GRID1: variants seen among roughly 807,000 people sequenced by gnomAD.
The protein encoded by GRID1 is glutamate receptor ionotropic, delta-1.
Under a neutral mutation model 98.0 loss-of-function variants are expected in GRID1, and 28 were observed. That is an observed-to-expected ratio of 0.29 (90% CI 0.21 to 0.39). GRID1 has a LOEUF of 0.39. Ranked by LOEUF, GRID1 falls within the 10% of genes least tolerant of loss-of-function variation. The pLI is 1.00. For missense variants in GRID1, 1,111 were observed against 1,340.5 expected, an observed-to-expected ratio of 0.83 and a Z score of 2.67; for synonymous variants, 553 against 538.5, an observed-to-expected ratio of 1.03 and a Z score of -0.37.
At chr10:85,956,492 A>G (rs538927915) in intron 4 of GRID1, among the ~76,000 whole-genome samples, 1 of 152,336 alleles carries the variant, frequency 6.6e-6, no homozygotes, top group East Asian at 1.9e-4. Context: ...AGTTTAAAAT[A>G]GATGCTCAGG....
At chr10:86,121,564 TCACCATCAACATCAC>T in intron 4 of GRID1, among the ~76,000 whole-genome samples, 1 of 152,010 alleles carries the variant, frequency 6.6e-6, no homozygotes, top group African/African-American at 2.4e-5. Flanking sequence ...ACCATCATTA[TCACCATCAACATCAC>T]CACCATCACC....
intron 2 of GRID1, among the ~76,000 whole-genome samples, chr10:86,347,009 A>C (rs1848393559): frequency 6.6e-6 from 1 of 152,072 alleles, no homozygotes; most frequent in African/African-American, 2.4e-5. Flanking sequence ...CACAGGTGTC[A>C]TCCTGCGGGC....
At chr10:86,027,647 G>C (rs1589342248) in intron 4 of GRID1, among the ~76,000 whole-genome samples, 1 of 152,142 alleles carries the variant, frequency 6.6e-6, no homozygotes, top group Admixed American at 6.5e-5. Flanking sequence ...CCTGCTTAGG[G>C]AGTCTGCAGC....
At chr10:85,675,347 T>C (rs780276306) in intron 12 of GRID1, among the ~76,000 whole-genome samples, 3 of 152,144 alleles carry the variant, frequency 2.0e-5, no homozygotes, top group Non-Finnish European at 4.4e-5. Context: ...CCACCAGCTA[T>C]TCCAGATCCT....
At chr10:85,842,364 G>A (rs1234440330) in intron 8 of GRID1, among the ~76,000 whole-genome samples, 2 of 151,892 alleles carry the variant, frequency 1.3e-5, no homozygotes, top group African/African-American at 4.8e-5. Context: ...TATCTAATGG[G>A]TACTAGGCTT....
Position 86,141,652 on chromosome 10 carries a change from C to T in GRID1, c.521-2628G>A, listed in dbSNP as rs540896957. Among the ~76,000 whole-genome samples, 29 of 152,346 alleles carry T rather than the reference C, an allele frequency of 1.9e-4. No homozygotes were observed. The East Asian group carries it at 2.1e-3, about 11-fold the overall frequency. The stretch of plus-strand genomic sequence containing the variant: ...CTCTAGCCATATATGGCCATTAAAA[C>T]GTCAATTAATTGAAGAGAAACACAA... On this transcript the variant is annotated intron_variant, in intron 3 of 15. Transcript: ENST00000327946.
At chr10:86,004,740 T>TCACACACACTCACACA (rs1554845800) in intron 4 of GRID1, among the ~76,000 whole-genome samples, 3 of 94,268 alleles carry the variant, frequency 3.2e-5, no homozygotes, top group African/African-American at 1.0e-4. Context: ...ACACACACAC[T>TCACACACACTCACACA]CACACACACA....
intron 12 of GRID1, among the ~76,000 whole-genome samples, chr10:85,702,526 C>T (rs551000194): frequency 1.3e-4 from 20 of 152,054 alleles, no homozygotes; most frequent in African/African-American, 4.3e-4. Flanking sequence ...TAATAGATGA[C>T]AAAATTATTG....
At chr10:85,686,514 T>A (rs1208089946) in intron 12 of GRID1, among the ~76,000 whole-genome samples, 3 of 152,176 alleles carry the variant, frequency 2.0e-5, no homozygotes, top group South Asian at 2.1e-4. Context: ...CTATATGGTA[T>A]CTAAATAAAT....
rs575306482 is a variant in GRID1, at chr10:85,838,908, A to G, written c.1233+15588T>C. ...GCTGTCTTCAAGAGACCCATCTCAC[A>G]TGCAGTGACACACATAGGCTCAAAA... is the stretch of plus-strand genomic sequence containing the variant. On this transcript the variant is annotated intron_variant, in intron 8 of 15. Coordinates refer to ENST00000327946, the MANE Select transcript of GRID1 (RefSeq NM_017551.3). 9.9e-5 allele frequency among the ~76,000 whole-genome samples: 15 copies of G among 152,236 alleles called. No homozygotes were observed. In the South Asian group the frequency reaches 1.2e-3, roughly 13 times the overall value.
At chr10:86,315,677 C>T (rs1252490989) in intron 2 of GRID1, among the ~76,000 whole-genome samples, 1 of 152,038 alleles carries the variant, frequency 6.6e-6, no homozygotes, top group Admixed American at 6.5e-5. Flanking sequence ...ATCCATCCTC[C>T]CACCCATCCA....
chr10:86,072,607 G>A (rs1021560767), intron 4 of GRID1, among the ~76,000 whole-genome samples: 20 of 152,188 alleles, frequency 1.3e-4, no homozygotes, highest in African/African-American at 4.8e-4. Context: ...TTCCAAATTA[G>A]TAAGGAGAAA....
chr10:86,258,049 T>C (rs1846952905), intron 2 of GRID1, among the ~76,000 whole-genome samples: 1 of 152,180 alleles, frequency 6.6e-6, no homozygotes. Context: ...CTTAGTTTTC[T>C]ACCCCAGTGA....
chr10:86,331,872 C>T (rs1160431796), intron 2 of GRID1, among the ~76,000 whole-genome samples: 1 of 152,096 alleles, frequency 6.6e-6, no homozygotes, highest in Non-Finnish European at 1.5e-5. Flanking sequence ...CATCCAGCCG[C>T]TGTCTCTGCC....
intron 4 of GRID1, among the ~76,000 whole-genome samples, chr10:86,127,813 C>T (rs1844775641): frequency 6.6e-6 from 1 of 152,204 alleles, no homozygotes; most frequent in Admixed American, 6.5e-5. Flanking sequence ...CTCTGAGCCA[C>T]TGATACCTCC....
At chr10:85,803,574 TAATA>T in intron 8 of GRID1, among the ~76,000 whole-genome samples, 1 of 151,732 alleles carries the variant, frequency 6.6e-6, no homozygotes. Flanking sequence ...CAAAATTAAT[TAATA>T]AATTAATAAC....
chr10:86,304,212 C>T (rs1477355817), intron 2 of GRID1, among the ~76,000 whole-genome samples: 1 of 152,222 alleles, frequency 6.6e-6, no homozygotes, highest in Non-Finnish European at 1.5e-5. Context: ...TGCCCCTCGG[C>T]TCACTGTGTG....
chr10:86,134,293 G>A (rs1465707994), intron 4 of GRID1, among the ~76,000 whole-genome samples: 1 of 152,262 alleles, frequency 6.6e-6, no homozygotes, highest in Non-Finnish European at 1.5e-5. Flanking sequence ...ATCCATAGGA[G>A]GCTCCCAATT....
At position 86,349,881 on chromosome 10, in the gene GRID1, G is replaced by A. The variant is rs73342248; in HGVS notation, c.235+14060C>T. The stretch of plus-strand genomic sequence containing the variant: ...CAGTAAACAAGACAGACACTTCTCT[G>A]CCCTCACAAACCTGATGGCCCTCAC... On this transcript the variant is annotated intron_variant, in intron 2 of 15. Coordinates refer to ENST00000327946, the MANE Select transcript of GRID1 (RefSeq NM_017551.3). 3.1e-3 allele frequency among the ~76,000 whole-genome samples: 470 copies of A among 152,314 alleles called. 3 individuals carry two copies. The highest frequency in any genetic ancestry group is 0.011 in the African/African-American group (442 of 41,568).
Sources: gnomAD v4.1 joint callset for allele counts (sites outside exome capture counted in the v4.1 genomes callset) on GRCh38, gnomAD v4.1.1 for gene constraint, MANE v1.5 for transcripts, NCBI Gene and HGNC (gene_info 2026-07-23, HGNC 2026-07-21) for gene names.